ATP10B: variants seen among roughly 807,000 people sequenced by gnomAD.
ATP10B encodes the protein ATPase phospholipid transporting 10B (putative).
In ATP10B, 122 loss-of-function variants were observed where a neutral mutation model predicts 141.2. That is an observed-to-expected ratio of 0.86 (90% CI 0.75 to 1.00). The LOEUF (loss-of-function observed/expected upper bound fraction) is 1.00, where lower values mean the gene tolerates loss of function less well. Among genes scored for constraint, ATP10B ranks in the 50% least tolerant of loss-of-function variants. The pLI is 0.00. For missense variants in ATP10B, 1,876 were observed against 1,825.3 expected (o/e 1.03, Z -0.51); for synonymous variants, 685 against 692.0 (o/e 0.99, Z 0.16).
intron 2 of ATP10B, among the ~76,000 whole-genome samples, chr5:160,755,793 C>T (rs1425429204): frequency 2.7e-3 from 312 of 116,804 alleles, no homozygotes; most frequent in African/African-American, 9.4e-3. Flanking sequence ...CCAGCCTGGG[C>T]GACAGAGCGA....
intron 23 of ATP10B, among the ~76,000 whole-genome samples, chr5:160,590,562 C>CT (rs59164696): frequency 6.6e-6 from 1 of 152,076 alleles, no homozygotes; most frequent in Admixed American, 6.5e-5. Flanking sequence ...ATTCTTGCTA[C>CT]TTTTTTTCAG....
At chr5:160,815,260 C>T (rs1444825603) in intron 1 of ATP10B, among the ~76,000 whole-genome samples, 2 of 152,080 alleles carry the variant, frequency 1.3e-5, no homozygotes, top group African/African-American at 4.8e-5. Context: ...TGCAGAGACA[C>T]ACATAGGCTC....
chr5:160,646,676 G>T (rs970343444), intron 8 of ATP10B, among the ~76,000 whole-genome samples: 1 of 152,140 alleles, frequency 6.6e-6, no homozygotes, highest in African/African-American at 2.4e-5. Context: ...TTGTCTCACT[G>T]TCAGTAGCTT....
chr5:160,863,343 C>G, the ATP10B span, among the ~76,000 whole-genome samples: 2 of 151,694 alleles, frequency 1.3e-5, no homozygotes, highest in African/African-American at 4.8e-5. Context: ...ATGGCAAAAC[C>G]AAAGAATGGA....
intron 1 of ATP10B, among the ~76,000 whole-genome samples, chr5:160,837,572 A>G (rs1775530212): frequency 6.6e-6 from 1 of 152,108 alleles, no homozygotes; most frequent in Non-Finnish European, 1.5e-5. Context: ...CAGTAAAATC[A>G]CAACAAAAGG....
intron 1 of ATP10B, among the ~76,000 whole-genome samples, chr5:160,794,139 T>C (rs551612883): frequency 6.6e-6 from 1 of 152,344 alleles, no homozygotes; most frequent in South Asian, 2.1e-4. Flanking sequence ...TGACAGTTTT[T>C]GAGGAGCTAA....
intron 1 of ATP10B, among the ~76,000 whole-genome samples, chr5:160,800,119 G>A (rs966474324): frequency 5.3e-5 from 8 of 152,170 alleles, no homozygotes; most frequent in South Asian, 2.1e-4. Flanking sequence ...TTTATTGAGT[G>A]TCATAATCTT....
chr5:160,804,429 T>C (rs539119507), intron 1 of ATP10B, among the ~76,000 whole-genome samples: 1 of 152,228 alleles, frequency 6.6e-6, no homozygotes, highest in Non-Finnish European at 1.5e-5. Flanking sequence ...GTTCATACTA[T>C]GTGTCAGCTC....
Position 160,589,171 on chromosome 5 carries a change from C to A in ATP10B, c.3750+421G>T, listed in dbSNP as rs374228077. ...TGACCACAGGCGCCTGCTACCACAC[C>A]CAACTAATTTTTTTATTTTTAGTAG... is the stretch of plus-strand genomic sequence containing the variant. On this transcript the variant is annotated intron_variant, in intron 24 of 25. Transcript: ENST00000327245. Among the ~76,000 whole-genome samples the A allele has an allele frequency of 1.6e-4, 25 of 152,154 alleles. 2 individuals are homozygous for A. Among genetic ancestry groups the A allele is most frequent in the Admixed American group, 9.8e-4 (15 of 15,284 alleles).
At chr5:160,723,868 A>G (rs1440294347) in intron 2 of ATP10B, among the ~76,000 whole-genome samples, 1 of 152,216 alleles carries the variant, frequency 6.6e-6, no homozygotes, top group Non-Finnish European at 1.5e-5. Context: ...TAGAAAAGAC[A>G]TGGAATCAAC....
At chr5:160,694,027 A>G (rs1331322674) in intron 3 of ATP10B, among the ~76,000 whole-genome samples, 1 of 152,290 alleles carries the variant, frequency 6.6e-6, no homozygotes, top group East Asian at 1.9e-4. Context: ...TGAGGCTGTT[A>G]TGCTGAGGGC....
chr5:160,638,106 G>C (rs934075330), intron 10 of ATP10B, among the ~76,000 whole-genome samples: 2 of 152,166 alleles, frequency 1.3e-5, no homozygotes, highest in Admixed American at 1.3e-4. Context: ...CAAAATCAAA[G>C]TAAACATGTG....
chr5:160,912,322 A>G, the ATP10B span, among the ~76,000 whole-genome samples: 23 of 151,082 alleles, frequency 1.5e-4, no homozygotes, highest in South Asian at 4.8e-3. Flanking sequence ...CACGCCTATA[A>G]TCCCAGCACT....
At chr5:160,855,186 T>A (rs1207553438), upstream of ATP10B, among the ~76,000 whole-genome samples, 5 of 152,250 alleles carry the variant, frequency 3.3e-5, 1 homozygote, top group African/African-American at 1.2e-4. Flanking sequence ...TATTTGCACG[T>A]TTAGTATTTT....
At chr5:160,601,698 G>A (rs1757106600) in intron 21 of ATP10B, among the ~76,000 whole-genome samples, 1 of 152,158 alleles carries the variant, frequency 6.6e-6, no homozygotes, top group Admixed American at 6.5e-5. Context: ...CAGAATTATA[G>A]TTTCCCCATA....
chr5:160,619,815 A>T (rs1758222505), intron 15 of ATP10B, among the ~76,000 whole-genome samples: 1 of 152,208 alleles, frequency 6.6e-6, no homozygotes, highest in Admixed American at 6.5e-5. Flanking sequence ...AATAAAGAGG[A>T]ACACCTGAGG....
chr5:160,654,515 A>G (rs1421669612), intron 7 of ATP10B, among the ~76,000 whole-genome samples: 1 of 152,188 alleles, frequency 6.6e-6, no homozygotes, highest in African/African-American at 2.4e-5. Context: ...GTGTCTCTGC[A>G]GCTCTTTAGG....
At chr5:160,568,292 A>G (rs1193773441) in intron 25 of ATP10B, among the ~76,000 whole-genome samples, 3 of 150,474 alleles carry the variant, frequency 2.0e-5, no homozygotes, top group African/African-American at 4.9e-5. Flanking sequence ...AATCCATGAT[A>G]GTGATTGCTT....
At chr5:160,590,846 T>G (rs1756239595) in intron 23 of ATP10B, among the ~76,000 whole-genome samples, 1 of 152,208 alleles carries the variant, frequency 6.6e-6, no homozygotes, top group African/African-American at 2.4e-5. Context: ...AGTATAAATA[T>G]AGCTTTCAGT....
Sources: allele counts gnomAD v4.1 joint callset (sites outside exome capture counted in the v4.1 genomes callset), GRCh38; gene constraint gnomAD v4.1.1; transcripts MANE v1.5; gene names NCBI Gene and HGNC (gene_info 2026-07-23, HGNC 2026-07-21).